CCDC178: variants seen among roughly 807,000 people sequenced by gnomAD.
CCDC178 encodes the protein coiled-coil domain containing 178.
Under a neutral mutation model 117.4 loss-of-function variants are expected in CCDC178, and 126 were observed. The observed-to-expected ratio is 1.07, with a 90% CI of 0.93 to 1.24. The LOEUF (loss-of-function observed/expected upper bound fraction) is 1.24, where lower values mean the gene tolerates loss of function less well. Among genes scored for constraint, CCDC178 ranks in the 50% most tolerant of loss-of-function variants. The probability of loss-of-function intolerance (pLI) is 0.00; values close to 1 mark genes in which losing one functional copy is unlikely to be tolerated. For missense variants in CCDC178, 1,030 were observed against 986.9 expected (o/e 1.04, Z -0.59); for synonymous variants, 283 against 313.4 (o/e 0.90, Z 1.02).
At chr18:33,424,579 C>T (rs1270271784) in intron 2 of CCDC178, among the ~76,000 whole-genome samples, 2 of 152,190 alleles carry the variant, frequency 1.3e-5, no homozygotes, top group Non-Finnish European at 2.9e-5. Context: ...GGGCTTGACA[C>T]AGCACTGGCA....
intron 14 of CCDC178, among the ~76,000 whole-genome samples, chr18:33,246,059 C>T (rs1025334867): frequency 2.0e-5 from 3 of 151,846 alleles, no homozygotes; most frequent in Non-Finnish European, 4.4e-5. Context: ...AACACTAACT[C>T]CACATTATAA....
chr18:33,405,860 T>G (rs748073609), intron 3 of CCDC178, among the ~76,000 whole-genome samples: 8 of 152,066 alleles, frequency 5.3e-5, no homozygotes, highest in Non-Finnish European at 1.0e-4. Flanking sequence ...GATCCAGTAC[T>G]GATGATGCAG....
chr18:32,955,915 AG>A (rs1453273917), intron 22 of CCDC178, among the ~76,000 whole-genome samples: 3 of 152,158 alleles, frequency 2.0e-5, no homozygotes, highest in Admixed American at 6.5e-5. Context: ...TTCTCATAAA[AG>A]GCTTATATTA....
chr18:33,009,111 A>G (rs1342004538), intron 21 of CCDC178, among the ~76,000 whole-genome samples: 1 of 152,000 alleles, frequency 6.6e-6, no homozygotes, highest in South Asian at 2.1e-4. Flanking sequence ...TATTGGTGCT[A>G]TCTTTAAAAT....
At chr18:33,209,075 T>C (rs968653424) in intron 20 of CCDC178, among the ~76,000 whole-genome samples, 4 of 152,056 alleles carry the variant, frequency 2.6e-5, no homozygotes, top group South Asian at 2.1e-4. Context: ...CAATTTTGTA[T>C]AGATCTTTCC....
intron 2 of CCDC178, among the ~76,000 whole-genome samples, chr18:33,435,600 T>C (rs1002537268): frequency 6.7e-6 from 1 of 149,058 alleles, no homozygotes; most frequent in Non-Finnish European, 1.5e-5. Context: ...TGCTATGCCA[T>C]GGAGGGCTTA....
intron 22 of CCDC178, among the ~76,000 whole-genome samples, chr18:32,940,513 T>C (rs1308868386): frequency 3.3e-5 from 5 of 152,018 alleles, no homozygotes; most frequent in African/African-American, 1.2e-4. Flanking sequence ...TTTAACTTTA[T>C]TTTAGGTTCA....
chr18:33,295,912 C>A (rs986328965), intron 11 of CCDC178, among the ~76,000 whole-genome samples: 1 of 151,976 alleles, frequency 6.6e-6, no homozygotes, highest in African/African-American at 2.4e-5. Flanking sequence ...ACGTACATCC[C>A]AAAAAATCAC....
In CCDC178 at chr18:33,130,417, T is replaced by C. The variant is rs2058056312; in HGVS notation, c.2239-37507A>G. Among the ~76,000 whole-genome samples, 4 of 152,056 alleles carry C rather than the reference T, an allele frequency of 2.6e-5. No individual in the cohort carries two copies. In the South Asian group the frequency reaches 8.3e-4, roughly 31 times the overall value. ...GGCACTGTACTAAATTATTATGTAG[T>C]TTGACTTAACATTCACAAAAAATCC... On this transcript the variant is annotated intron_variant, in intron 20 of 22. Coordinates refer to ENST00000383096, the MANE Select transcript of CCDC178 (RefSeq NM_001105528.4).
At chr18:32,981,621 A>G (rs1448914233) in intron 21 of CCDC178, among the ~76,000 whole-genome samples, 4 of 152,212 alleles carry the variant, frequency 2.6e-5, no homozygotes, top group African/African-American at 7.2e-5. Flanking sequence ...TTACTTTCAG[A>G]GAATTTATTA....
intron 19 of CCDC178, among the ~76,000 whole-genome samples, chr18:33,213,959 G>A (rs563620548): frequency 1.3e-5 from 2 of 152,014 alleles, no homozygotes; most frequent in Non-Finnish European, 2.9e-5. Flanking sequence ...CCCACTATGA[G>A]TTCTCAATAA....
chr18:33,326,921 T>C (rs2062592671), intron 10 of CCDC178, among the ~76,000 whole-genome samples: 1 of 152,150 alleles, frequency 6.6e-6, no homozygotes, highest in African/African-American at 2.4e-5. Flanking sequence ...CTTTGACATG[T>C]TGTAATGCAG....
intron 11 of CCDC178, among the ~76,000 whole-genome samples, chr18:33,314,628 C>A (rs1482348568): frequency 2.6e-5 from 4 of 152,206 alleles, no homozygotes; most frequent in Admixed American, 2.6e-4. Flanking sequence ...AAAAGCCCTT[C>A]AGGCCTATAG....
intron 5 of CCDC178, among the ~76,000 whole-genome samples, chr18:33,371,353 T>C (rs1265813711): frequency 6.6e-6 from 1 of 151,894 alleles, no homozygotes; most frequent in Non-Finnish European, 1.5e-5. Flanking sequence ...GACATAAAGC[T>C]AAGCTAAAAA....
At chr18:33,125,160 T>C (rs970152278) in intron 20 of CCDC178, among the ~76,000 whole-genome samples, 1 of 152,168 alleles carries the variant, frequency 6.6e-6, no homozygotes, top group African/African-American at 2.4e-5. Context: ...ACCTTTGTAA[T>C]CTTCAGACAC....
chr18:33,244,770 T>C (rs1351726088), intron 15 of CCDC178, among the ~76,000 whole-genome samples: 23 of 151,338 alleles, frequency 1.5e-4, no homozygotes, highest in Admixed American at 1.5e-3. Context: ...CACTTAGGAG[T>C]GGGTTTGAAG....
At chr18:33,056,837 C>G (rs1297126029) in intron 21 of CCDC178, among the ~76,000 whole-genome samples, 1 of 151,736 alleles carries the variant, frequency 6.6e-6, no homozygotes, top group African/African-American at 2.4e-5. Context: ...GTTTATAGAC[C>G]ATTATGTGCA....
chr18:33,309,118 A>G (rs1442734061), intron 11 of CCDC178, among the ~76,000 whole-genome samples: 1 of 152,106 alleles, frequency 6.6e-6, no homozygotes, highest in Non-Finnish European at 1.5e-5. Context: ...TGATATTTTA[A>G]GATGTCAAGG....
intron 7 of CCDC178, among the ~76,000 whole-genome samples, chr18:33,353,517 T>G (rs1053520083): frequency 1.3e-5 from 2 of 152,110 alleles, no homozygotes; most frequent in South Asian, 2.1e-4. Context: ...TTTTTTTCTA[T>G]ATATTGTTTA....
Sources: gnomAD v4.1 joint callset for allele counts (sites outside exome capture counted in the v4.1 genomes callset) on GRCh38, gnomAD v4.1.1 for gene constraint, MANE v1.5 for transcripts, NCBI Gene and HGNC (gene_info 2026-07-23, HGNC 2026-07-21) for gene names.